Variants in OR51B5 observed in about 807,000 individuals in gnomAD.
OR51B5 encodes the protein olfactory receptor 51B5.
For missense variants in OR51B5, 456 were observed against 374.6 expected (o/e 1.22, Z -1.79); for synonymous variants, 186 against 144.8 (o/e 1.28, Z -2.04).
chr11:5,459,173 A>G (rs1851008771), intron 1 of OR51B5, among the ~76,000 whole-genome samples: 1 of 152,180 alleles, frequency 6.6e-6, no homozygotes, highest in Non-Finnish European at 1.5e-5. Flanking sequence ...AGGATGCTGA[A>G]TTATGTCAAA....
At chr11:5,411,955 A>C (rs1186853307) in intron 1 of OR51B5, among the ~76,000 whole-genome samples, 1 of 152,228 alleles carries the variant, frequency 6.6e-6, no homozygotes, top group African/African-American at 2.4e-5. Context: ...TGGTCCAGCC[A>C]ATCTCTTGAT....
chr11:5,422,235 T>TC, intron 1 of OR51B5: 1 of 1,613,332 alleles, frequency 6.2e-7, no homozygotes, highest in African/African-American at 1.3e-5. Context: ...CAAGAAGGCA[T>TC]CTACTTCATC....
At chr11:5,470,534 T>C (rs568675622) in intron 1 of OR51B5, among the ~76,000 whole-genome samples, 2 of 150,598 alleles carry the variant, frequency 1.3e-5, no homozygotes, top group South Asian at 4.3e-4. Flanking sequence ...CTCTTCTCAA[T>C]ATGTATTCAC....
chr11:5,351,827 T>C (rs1849093778), intron 1 of OR51B5: 3 of 1,614,086 alleles, frequency 1.9e-6, no homozygotes, highest in Admixed American at 3.3e-5. Context: ...ACTCTTTCTG[T>C]CATGGAGTCA....
downstream of OR51B5, chr11:5,340,774 TGGAG>T (rs1848881188): frequency 1.3e-5 from 2 of 152,184 alleles, no homozygotes; most frequent in African/African-American, 4.8e-5. Flanking sequence ...GTTATGCCCT[TGGAG>T]GGAATATTTA....
At chr11:5,498,940 T>G (rs1299238430) in intron 1 of OR51B5, among the ~76,000 whole-genome samples, 2 of 152,230 alleles carry the variant, frequency 1.3e-5, no homozygotes, top group Non-Finnish European at 2.9e-5. Flanking sequence ...GGAGGCCAGA[T>G]GAAGGGCATG....
At chr11:5,492,093 ACT>A (rs1851589464) in intron 1 of OR51B5, among the ~76,000 whole-genome samples, 1 of 151,640 alleles carries the variant, frequency 6.6e-6, no homozygotes, top group South Asian at 2.1e-4. Flanking sequence ...GCTGAGGGAG[ACT>A]CTCTTAATTC....
intron 1 of OR51B5, among the ~76,000 whole-genome samples, chr11:5,434,760 T>C (rs993528176): frequency 2.0e-5 from 3 of 152,168 alleles, no homozygotes; most frequent in Non-Finnish European, 4.4e-5. Flanking sequence ...ACTCCTAAGA[T>C]GCCTTATTTC....
intron 1 of OR51B5, among the ~76,000 whole-genome samples, chr11:5,485,780 C>G (rs1157760830): frequency 6.6e-6 from 1 of 152,188 alleles, no homozygotes; most frequent in Non-Finnish European, 1.5e-5. Flanking sequence ...ACCTTCCCAG[C>G]AAAGATTTCC....
chr11:5,380,460 G>C (rs1028834185), intron 1 of OR51B5, among the ~76,000 whole-genome samples: 1 of 152,112 alleles, frequency 6.6e-6, no homozygotes, highest in Non-Finnish European at 1.5e-5. Flanking sequence ...GTTCTAACAG[G>C]CCTGAGAGTG....
chr11:5,408,786 T>C (rs371599219), intron 1 of OR51B5, among the ~76,000 whole-genome samples: 26 of 152,264 alleles, frequency 1.7e-4, no homozygotes, highest in African/African-American at 6.3e-4. Flanking sequence ...TCAGCCTTAA[T>C]CTCACTTTCT....
chr11:5,398,805 C>T (rs1849922269), intron 1 of OR51B5, among the ~76,000 whole-genome samples: 1 of 152,178 alleles, frequency 6.6e-6, no homozygotes, highest in Non-Finnish European at 1.5e-5. Context: ...GATGTGCCTG[C>T]TTCTCCTTCT....
At chr11:5,390,168 T>C in intron 1 of OR51B5, 1 of 1,613,632 alleles carries the variant, frequency 6.2e-7, no homozygotes, top group Non-Finnish European at 8.5e-7. Context: ...ACCGCTCCTC[T>C]CTGTGCTGTG....
chr11:5,400,736 C>A (rs187808648), intron 1 of OR51B5, among the ~76,000 whole-genome samples: 1 of 152,304 alleles, frequency 6.6e-6, no homozygotes, highest in Non-Finnish European at 1.5e-5. Flanking sequence ...TTGAAAGTTG[C>A]AGAGATTTTC....
intron 1 of OR51B5, among the ~76,000 whole-genome samples, chr11:5,424,593 T>G (rs543431466): frequency 6.6e-6 from 1 of 151,740 alleles, no homozygotes; most frequent in African/African-American, 2.4e-5. Flanking sequence ...GGACCAACAG[T>G]CTGGTTTTTC....
At chr11:5,352,818 T>A (rs115004084) in intron 1 of OR51B5, among the ~76,000 whole-genome samples, 10,379 of 143,594 alleles carry the variant, frequency 0.072, 427 homozygotes, top group African/African-American at 0.1. Context: ...ATTTAATATA[T>A]ATAATACACA....
chr11:5,458,852 G>A (rs114919209), intron 1 of OR51B5, among the ~76,000 whole-genome samples: 1,568 of 152,266 alleles, frequency 0.01, 28 homozygotes, highest in African/African-American at 0.034. Flanking sequence ...GGAGCCTATA[G>A]GCAAAGACTA....
At chr11:5,499,904 G>C (rs932986178) in intron 1 of OR51B5, among the ~76,000 whole-genome samples, 1 of 152,170 alleles carries the variant, frequency 6.6e-6, no homozygotes, top group African/African-American at 2.4e-5. Context: ...CTGTGACTAG[G>C]ACTCCCGTGG....
rs143531721 is a variant in OR51B5 at position 5,396,179 on chromosome 11, T to C, written n.85-49269A>G. On this transcript the variant is annotated intron_variant and non_coding_transcript_variant, in intron 1 of 4. Transcript: ENST00000415970. ...GGCTGCAAGACAGGGATGCCCTCTC[T>C]CACCACTCCTATTCAACATAGTGTT... 1.8e-3 allele frequency among the ~76,000 whole-genome samples: 269 copies of C among 152,328 alleles called. 2 individuals are homozygous for C. The highest frequency in any genetic ancestry group is 2.3e-3 in the Non-Finnish European group (158 of 68,030).
Sources: gnomAD v4.1 joint callset for allele counts (sites outside exome capture counted in the v4.1 genomes callset) on GRCh38, gnomAD v4.1.1 for gene constraint, MANE v1.5 for transcripts, NCBI Gene and HGNC (gene_info 2026-07-23, HGNC 2026-07-21) for gene names.